The following TIAM1 variants were observed in gnomAD, a reference collection of about 807,000 sequenced individuals.
The protein encoded by TIAM1 is rho guanine nucleotide exchange factor TIAM1.
A neutral mutation model predicts 163.5 loss-of-function variants in TIAM1; 65 were observed. The ratio of observed to expected loss-of-function variants is 0.40; its 90% CI spans 0.33 to 0.49. The LOEUF is 0.49. TIAM1 is among the 20% of genes least tolerant of loss of function. The pLI, the probability that TIAM1 is intolerant of heterozygous loss-of-function variation, is 0.77. For synonymous variants in TIAM1, 833 were observed against 810.1 expected (o/e 1.03, Z -0.48); for missense variants, 1,789 against 2,044.7 (o/e 0.87, Z 2.41).
chr21:31,217,995 C>T (rs1357799821), intron 8 of TIAM1, among the ~76,000 whole-genome samples: 1 of 152,182 alleles, frequency 6.6e-6, no homozygotes, highest in African/African-American at 2.4e-5. Flanking sequence ...AATGACATGT[C>T]CTTCTGGTCA....
chr21:31,414,147 G>A (rs1039374534), intron 2 of TIAM1, among the ~76,000 whole-genome samples: 12 of 152,128 alleles, frequency 7.9e-5, no homozygotes, highest in African/African-American at 2.4e-4. Flanking sequence ...CCAGAGTTGC[G>A]GAGAAAAATC....
In TIAM1 at chr21:31,395,525, G is replaced by T. The variant is rs992202171; in HGVS notation, c.-368-56103C>A. On this transcript the variant is annotated intron_variant, in intron 2 of 28. Coordinates refer to the TIAM1 transcript ENST00000286827. This position sits in a 1 kb window ranked among gnomAD's most constrained non-coding sequence, Gnocchi z 7.5. ...CAATCACCAGATACGCCACAGAGGC[G>T]AAGAGAAGGGCCAACCCTGCATTTT... Among the ~76,000 whole-genome samples, 1 of 152,200 alleles carries T rather than the reference G, an allele frequency of 6.6e-6. No homozygotes were observed. Among genetic ancestry groups the T allele is most frequent in the African/African-American group, 2.4e-5 (1 of 41,450 alleles).
chr21:31,378,088 G>C lies in TIAM1; in HGVS notation c.-368-38666C>G, dbSNP rs150204192. Among the ~76,000 whole-genome samples the C allele has an allele frequency of 7.3e-3, 1,058 of 144,620 alleles. 13 individuals carry two copies. Among genetic ancestry groups the C allele is most frequent in the African/African-American group, 0.027 (1,019 of 38,452 alleles). The allele number at this position is 144,620 out of a possible 152,430, so 94.9% of individuals were successfully genotyped here. A position where few individuals can be genotyped will look rare whatever the true frequency, so the allele number is the denominator to read the frequency against. ...GAGGTGGAGGTTGCAGTGAGCTGAG[G>C]TCATGCCATTGCACTCCAGCCTGGG... is the stretch of plus-strand genomic sequence containing the variant. On this transcript the variant is annotated intron_variant, in intron 2 of 28. Coordinates refer to the TIAM1 transcript ENST00000286827.
In TIAM1 at chr21:31,119,232, C is replaced by T. The variant is rs1475172246; in HGVS notation, c.*1136G>A. Reference sequence around the variant, plus strand: ...TCGTTGGCATGAAGAAAGTGTTAAACACAAGAGAAGTTTTTAAAGAGGTTG... The same window carrying T: ...TCGTTGGCATGAAGAAAGTGTTAAATACAAGAGAAGTTTTTAAAGAGGTTG... On this transcript the variant is annotated 3_prime_UTR_variant, in exon 28 of 28. Transcript: ENST00000541036. The T allele has an allele frequency of 6.6e-6, 1 of 152,280 alleles. No individual in the cohort carries two copies. The highest frequency in any genetic ancestry group is 2.4e-5 in the African/African-American group (1 of 41,294). 9.4% of individuals were successfully genotyped at this position (152,280 alleles called of 1,614,324 possible). A position where few individuals can be genotyped will look rare whatever the true frequency, so the allele number is the denominator to read the frequency against.
intron 12 of TIAM1, among the ~76,000 whole-genome samples, chr21:31,200,825 C>A (rs1456188889): frequency 6.6e-6 from 1 of 152,136 alleles, no homozygotes; most frequent in East Asian, 1.9e-4. Flanking sequence ...TAATTAAGAA[C>A]CTTGGTTGAA....
intron 1 of TIAM1, among the ~76,000 whole-genome samples, chr21:31,467,640 T>C (rs2045580224): frequency 6.7e-6 from 1 of 149,550 alleles, no homozygotes; most frequent in Non-Finnish European, 1.5e-5. Context: ...AAAAAAAGAA[T>C]AAATAAATAA....
chr21:31,443,353 T>C (rs2044505125), intron 2 of TIAM1, among the ~76,000 whole-genome samples: 1 of 152,170 alleles, frequency 6.6e-6, no homozygotes, highest in Admixed American at 6.5e-5. Flanking sequence ...CACAAGACAA[T>C]TACAGTAGAG....
At chr21:31,471,696 C>T (rs1409001158) in intron 1 of TIAM1, among the ~76,000 whole-genome samples, 1 of 151,852 alleles carries the variant, frequency 6.6e-6, no homozygotes, top group Non-Finnish European at 1.5e-5. Flanking sequence ...ATGGAGAAAC[C>T]CTATCTCTAC....
intron 22 of TIAM1, among the ~76,000 whole-genome samples, chr21:31,137,872 A>G (rs2082686528): frequency 6.7e-6 from 1 of 149,608 alleles, no homozygotes; most frequent in South Asian, 2.2e-4. Flanking sequence ...GTTGACCTAC[A>G]AAGCCACATA....
At chr21:31,493,969 C>A (rs2046560306) in intron 1 of TIAM1, among the ~76,000 whole-genome samples, 1 of 152,176 alleles carries the variant, frequency 6.6e-6, no homozygotes, top group Admixed American at 6.5e-5. Flanking sequence ...GGCTGGAGTA[C>A]AGTGGCGCAA....
rs1161560501 is a variant in TIAM1 at position 31,165,014 on chromosome 21, T to A, written c.2939A>T (p.Glu980Val). 2 of 1,614,180 alleles carry A rather than the reference T, an allele frequency of 1.2e-6. No individual in the cohort carries two copies. The highest frequency in any genetic ancestry group is 2.2e-5 in the South Asian group (2 of 91,086). Residue 980 changes from glutamate to valine, a missense_variant, in exon 16 of 28, where the codon GAG (glutamate) becomes GTG (valine). By Grantham distance (121) the Glu-to-Val change is moderately radical. This residue lies in a region of TIAM1 where 303 missense variants were observed against 321.3 expected (regional missense o/e 0.94). Coordinates refer to ENST00000541036, the MANE Select transcript of TIAM1 (RefSeq NM_001353694.2). ...GGATTCCAAGTCTGGCCCCTCGGTC[T>A]CCTCTGGAGCGGTCTCAGCACTGCT... ...QGSSAETAPE[E>V]TEGPDLESSD...
At chr21:31,218,341 G>T (rs1338825166) in intron 8 of TIAM1, among the ~76,000 whole-genome samples, 1 of 152,142 alleles carries the variant, frequency 6.6e-6, no homozygotes, top group African/African-American at 2.4e-5. Flanking sequence ...GCAGATGCAG[G>T]CAGATCACCT....
chr21:31,475,062 T>TTATTATTATTATTA (rs374227573), intron 1 of TIAM1, among the ~76,000 whole-genome samples: 1,526 of 75,894 alleles, frequency 0.02, 18 homozygotes, highest in East Asian at 0.046. Flanking sequence ...ATTATTATTA[T>TTATTATTATTATTA]TTAGTTTTAG....
intron 8 of TIAM1, among the ~76,000 whole-genome samples, chr21:31,220,852 AT>A (rs1257890269): frequency 6.6e-6 from 1 of 152,200 alleles, no homozygotes; most frequent in East Asian, 1.9e-4. Context: ...TTACTCTATC[AT>A]TCTGCTCATC....
At chr21:31,153,209 A>G in intron 17 of TIAM1, 75 bp from the exon 18 acceptor site, 8 of 1,226,380 alleles carry the variant, frequency 6.5e-6, no homozygotes, top group Non-Finnish European at 9.3e-6. Context: ...AGTATAAAGC[A>G]TATGTTAATG....
chr21:31,274,508 T>G (rs903547831), intron 3 of TIAM1, among the ~76,000 whole-genome samples: 1 of 152,218 alleles, frequency 6.6e-6, no homozygotes, highest in Non-Finnish European at 1.5e-5. Context: ...AATATTTTTA[T>G]GGTTTAGGAT....
chr21:31,214,909 G>A (rs2087094646), intron 9 of TIAM1, among the ~76,000 whole-genome samples: 2 of 151,970 alleles, frequency 1.3e-5, no homozygotes, highest in South Asian at 2.1e-4. Flanking sequence ...TTACAGGCAT[G>A]AGCCACCACC....
In TIAM1 at chr21:31,266,372, C is replaced by T. The variant is rs902701244; in HGVS notation, c.601G>A (p.Gly201Ser). Residue 201 changes from glycine to serine, a missense_variant, in exon 4 of 28, where the codon GGT (glycine) becomes AGT (serine). Physicochemically the swap from Gly to Ser is moderately conservative, Grantham distance 56. Coordinates refer to ENST00000541036, the MANE Select transcript of TIAM1 (RefSeq NM_001353694.2). ...TCGCAGTCCTTCTCTTCGGCGGAAC[C>T]CAAGATTTCTTCGTTGCTTGTTAAA... ...EHLTSNEEIL[G>S]SAEEKDCEEA... 2 of 1,614,086 alleles carry T rather than the reference C, an allele frequency of 1.2e-6. No homozygotes were observed. Among genetic ancestry groups the T allele is most frequent in the Admixed American group, 1.7e-5 (1 of 60,006 alleles).
At chr21:31,538,804 C>T (rs910589682) in intron 1 of TIAM1, among the ~76,000 whole-genome samples, 2 of 152,148 alleles carry the variant, frequency 1.3e-5, no homozygotes, top group Non-Finnish European at 2.9e-5. Flanking sequence ...TCCCTGAAAA[C>T]GTTTTTATGC....
Sources: allele counts gnomAD v4.1 joint callset (sites outside exome capture counted in the v4.1 genomes callset), GRCh38; gene constraint gnomAD v4.1.1; regional missense constraint gnomAD v4.1.1; non-coding constraint Gnocchi (gnomAD v3.1); transcripts MANE v1.5; gene names NCBI Gene and HGNC (gene_info 2026-07-23, HGNC 2026-07-21).